EYA4: variants seen among roughly 807,000 people sequenced by gnomAD.
The protein encoded by EYA4 is protein phosphatase EYA4.
A neutral mutation model predicts 87.9 loss-of-function variants in EYA4; 31 were observed. That is an observed-to-expected ratio of 0.35 (90% CI 0.27 to 0.48). The LOEUF (loss-of-function observed/expected upper bound fraction) is 0.48. EYA4 is among the 20% of genes least tolerant of loss of function. EYA4 has a pLI of 0.99. For missense variants in EYA4, 678 were observed against 761.4 expected, an observed-to-expected ratio of 0.89 and a Z score of 1.29; for synonymous variants, 263 against 270.6, an observed-to-expected ratio of 0.97 and a Z score of 0.28.
intron 3 of EYA4, among the ~76,000 whole-genome samples, chr6:133,390,460 C>T (rs376129841): frequency 2.6e-5 from 4 of 152,250 alleles, no homozygotes; most frequent in East Asian, 3.9e-4. Flanking sequence ...GACCTCAAGT[C>T]ATCTGCCCGC....
Position 133,523,058 on chromosome 6 carries a change from G to A in EYA4, c.1619G>A (p.Ser540Asn). 6.2e-7 allele frequency: 1 copy of A among 1,610,526 alleles called. No homozygotes were observed. ...TGTATATTTCCTCCCTATTTTAGGA[G>A]TAACTGCATAAATGTCTTGGTAACG... is the stretch of plus-strand genomic sequence containing the variant. Reference protein sequence around the residue: ...LKSLSIISTRSNCINVLVTTT... With the variant: ...LKSLSIISTRNNCINVLVTTT... The change falls in exon 18 of 20, where the codon AGT becomes AAT. Residue 540 changes from serine (S) to asparagine (N), a missense_variant and splice_region_variant. Ser to Asn is a conservative substitution (Grantham distance 46). Coordinates refer to ENST00000355286, the MANE Select transcript of EYA4 (RefSeq NM_004100.5).
Position 133,243,089 on chromosome 6 carries a change from CGTGTGTGTGT to C in EYA4, c.-66+1361_-66+1370del, listed in dbSNP as rs3065226. ...AGAGCAGTTCCACGTGGAGCAACTT[CGTGTGTGTGT>C]GTGTGTGTGTGTGTGTGTGTTGTGT... On this transcript the variant is annotated intron_variant, in intron 1 of 19. Coordinates refer to ENST00000355286, the MANE Select transcript of EYA4 (RefSeq NM_004100.5). Among the ~76,000 whole-genome samples, 6 of 145,370 alleles carry C rather than the reference CGTGTGTGTGT, an allele frequency of 4.1e-5. No homozygotes were observed. In the South Asian group the frequency reaches 6.9e-4, roughly 17 times the overall value.
At chr6:133,263,792 T>C (rs1465192963) in intron 1 of EYA4, among the ~76,000 whole-genome samples, 8 of 152,240 alleles carry the variant, frequency 5.3e-5, no homozygotes, top group Non-Finnish European at 1.0e-4. Context: ...TGGCACTTTC[T>C]GTGACCCAGG....
At chr6:133,303,591 A>C (rs1779580200) in intron 2 of EYA4, among the ~76,000 whole-genome samples, 1 of 152,176 alleles carries the variant, frequency 6.6e-6, no homozygotes, top group Non-Finnish European at 1.5e-5. Context: ...AGTTGTAGAT[A>C]TTTTGAATAC....
chr6:133,519,443 A>G (rs981047267), intron 17 of EYA4, among the ~76,000 whole-genome samples: 9 of 150,980 alleles, frequency 6.0e-5, no homozygotes, highest in East Asian at 3.9e-4. Flanking sequence ...AGACTAAACC[A>G]GGAAGAAGTT....
intron 3 of EYA4, among the ~76,000 whole-genome samples, chr6:133,389,847 C>T (rs1032068052): frequency 3.3e-5 from 5 of 152,262 alleles, no homozygotes; most frequent in Admixed American, 2.6e-4. Context: ...TTTCCTCTGC[C>T]GTGCTTTTTG....
chr6:133,278,070 A>G (rs1777323332), intron 2 of EYA4, among the ~76,000 whole-genome samples: 1 of 151,714 alleles, frequency 6.6e-6, no homozygotes, highest in Admixed American at 6.6e-5. Flanking sequence ...GTGTGTCATC[A>G]AGCATACAGA....
Position 133,481,539 on chromosome 6 carries a change from A to C in EYA4, c.1047A>C (p.Ser349=). ...LDERTCRSSG[S]KSRGRGRKNN... is the part of the protein sequence containing the mutation. ...AGAGAACCTGTAGGAGTTCTGGGTC[A>C]AAGTCCAGAGGAAGAGGCCGGAAAA... is the stretch of plus-strand genomic sequence containing the variant. The change falls in exon 12 of 20, where the codon TCA becomes TCC. Residue 349 remains serine (S), a synonymous_variant. Coordinates refer to ENST00000355286, the MANE Select transcript of EYA4 (RefSeq NM_004100.5). 1 of 1,614,066 alleles carries C rather than the reference A, an allele frequency of 6.2e-7. No homozygotes were observed. Among genetic ancestry groups the C allele is most frequent in the East Asian group, 2.2e-5 (1 of 44,872 alleles).
intron 3 of EYA4, among the ~76,000 whole-genome samples, chr6:133,422,117 T>G (rs1434266035): frequency 6.6e-6 from 1 of 152,200 alleles, no homozygotes; most frequent in African/African-American, 2.4e-5. Flanking sequence ...TGTACCCACT[T>G]GCTACCTATA....
chr6:133,339,793 G>A (rs933672431), intron 2 of EYA4, among the ~76,000 whole-genome samples: 1 of 152,180 alleles, frequency 6.6e-6, no homozygotes, highest in Non-Finnish European at 1.5e-5. Flanking sequence ...TAACAAGTTA[G>A]GACAAGTCCA....
At chr6:133,409,196 A>G (rs566398867) in intron 3 of EYA4, among the ~76,000 whole-genome samples, 95 of 152,324 alleles carry the variant, frequency 6.2e-4, no homozygotes, top group Non-Finnish European at 1.3e-3. Context: ...CCAAAAAGGA[A>G]GTGAAATCAG....
At chr6:133,398,806 T>A (rs555573570) in intron 3 of EYA4, among the ~76,000 whole-genome samples, 368 of 152,124 alleles carry the variant, frequency 2.4e-3, no homozygotes, top group Non-Finnish European at 4.1e-3. Flanking sequence ...TGAAAAAAAA[T>A]TGCCAACATG....
Position 133,327,937 on chromosome 6 carries a change from G to A in EYA4, c.33+53124G>A, listed in dbSNP as rs189103123. 1.1e-4 allele frequency among the ~76,000 whole-genome samples: 17 copies of A among 152,282 alleles called. No homozygotes were observed. In the East Asian group the frequency reaches 3.1e-3, roughly 28 times the overall value. ...ATTCTTAGAGACTATAGAGTCGTCA[G>A]TGTCACTTTCATATGGGCCAAGTTG... On this transcript the variant is annotated intron_variant, in intron 2 of 19. Coordinates refer to ENST00000355286, the MANE Select transcript of EYA4 (RefSeq NM_004100.5).
intron 2 of EYA4, among the ~76,000 whole-genome samples, chr6:133,352,543 TAAAA>T (rs1474670616): frequency 2.0e-5 from 3 of 152,164 alleles, no homozygotes; most frequent in African/African-American, 4.8e-5. Context: ...ATTTGAATCT[TAAAA>T]GAAATCTAGA....
At chr6:133,260,007 TA>T (rs1436803115) in intron 1 of EYA4, among the ~76,000 whole-genome samples, 2 of 152,186 alleles carry the variant, frequency 1.3e-5, no homozygotes, top group Admixed American at 6.5e-5. Context: ...TTGTTTCTTG[TA>T]AAAAAATTCA....
At chr6:133,390,543 G>A (rs556748972) in intron 3 of EYA4, among the ~76,000 whole-genome samples, 9 of 152,252 alleles carry the variant, frequency 5.9e-5, no homozygotes, top group Admixed American at 5.9e-4. Flanking sequence ...ATTTTACTCT[G>A]TTAAATGTTG....
At chr6:133,399,553 A>G (rs374948343) in intron 3 of EYA4, among the ~76,000 whole-genome samples, 1 of 152,212 alleles carries the variant, frequency 6.6e-6, no homozygotes, top group East Asian at 1.9e-4. Flanking sequence ...ATACTCTCTA[A>G]TGATTCACAG....
intron 2 of EYA4, chr6:133,325,131 C>T (rs940026322): frequency 1.3e-5 from 2 of 152,392 alleles, no homozygotes; most frequent in African/African-American, 4.8e-5. Flanking sequence ...AGGATGGTCT[C>T]AATCTCCTGA....
At chr6:133,491,951 C>CAAAAAAAAAAAAAAAAAAAA (rs34316449) in intron 13 of EYA4, among the ~76,000 whole-genome samples, 1 of 83,738 alleles carries the variant, frequency 1.2e-5, no homozygotes, top group African/African-American at 4.7e-5. Flanking sequence ...AACTCCGTCT[C>CAAAAAAAAAAAAAAAAAAAA]AAAAAAAAAA....
Sources: allele counts gnomAD v4.1 joint callset (sites outside exome capture counted in the v4.1 genomes callset), GRCh38; gene constraint gnomAD v4.1.1; transcripts MANE v1.5; gene names NCBI Gene and HGNC (gene_info 2026-07-23, HGNC 2026-07-21).